FHOD3: variants seen among roughly 807,000 people sequenced by gnomAD.
FHOD3 encodes formin homology 2 domain containing 3.
In FHOD3, 90 loss-of-function variants were observed where a neutral mutation model predicts 173.0. The ratio of observed to expected loss-of-function variants is 0.52; its 90% confidence interval spans 0.44 to 0.62. FHOD3 has a LOEUF of 0.62. Among genes scored for constraint, FHOD3 ranks in the 20% least tolerant of loss-of-function variants. The probability of loss-of-function intolerance (pLI) is 0.00; values close to 1 mark genes in which losing one functional copy is unlikely to be tolerated. For synonymous variants in FHOD3, 828 were observed against 823.0 expected (o/e 1.01, Z -0.10); for missense variants, 1,945 against 2,034.7 (o/e 0.96, Z 0.85).
At chr18:36,745,234 G>A (rs1420794383) in intron 23 of FHOD3, among the ~76,000 whole-genome samples, 1 of 152,128 alleles carries the variant, frequency 6.6e-6, no homozygotes, top group Non-Finnish European at 1.5e-5. Flanking sequence ...ACCGAGCAGG[G>A]GACCCTGAAC....
intron 3 of FHOD3, among the ~76,000 whole-genome samples, chr18:36,466,326 G>A (rs941876296): frequency 1.3e-5 from 2 of 152,180 alleles, no homozygotes; most frequent in African/African-American, 4.8e-5. Context: ...CTATACTGAG[G>A]TTTGCAGCAG....
At chr18:36,483,698 T>TC in intron 3 of FHOD3, among the ~76,000 whole-genome samples, 1 of 152,362 alleles carries the variant, frequency 6.6e-6, no homozygotes, top group Non-Finnish European at 1.5e-5. Flanking sequence ...AGGGTGGATG[T>TC]ATGTGCCTCT....
At chr18:36,678,074 T>C (rs953227166) in intron 14 of FHOD3, among the ~76,000 whole-genome samples, 1 of 152,206 alleles carries the variant, frequency 6.6e-6, no homozygotes, top group African/African-American at 2.4e-5. Context: ...ATTATCTTTA[T>C]AGATGGTCAG....
chr18:36,392,804 T>C (rs2048366261), intron 3 of FHOD3, among the ~76,000 whole-genome samples: 1 of 152,224 alleles, frequency 6.6e-6, no homozygotes, highest in Non-Finnish European at 1.5e-5. Context: ...AATTAGTGTT[T>C]TCTTTTGGAG....
chr18:36,524,238 T>C (rs1311764135), intron 5 of FHOD3, among the ~76,000 whole-genome samples: 1 of 148,270 alleles, frequency 6.7e-6, no homozygotes, highest in East Asian at 2.0e-4. Flanking sequence ...ACCGAGACTG[T>C]GCCACTGCAC....
chr18:36,440,734 C>T (rs934341916), intron 3 of FHOD3, among the ~76,000 whole-genome samples: 1 of 152,236 alleles, frequency 6.6e-6, no homozygotes, highest in Non-Finnish European at 1.5e-5. Flanking sequence ...CTATTAATAT[C>T]TCCCCACATA....
chr18:36,550,034 G>T (rs958758700), intron 5 of FHOD3, among the ~76,000 whole-genome samples: 2 of 151,642 alleles, frequency 1.3e-5, no homozygotes, highest in Non-Finnish European at 2.9e-5. Context: ...GTAAACAACT[G>T]TTCCAGCACC....
chr18:36,543,200 C>A (rs1249352074), intron 5 of FHOD3, among the ~76,000 whole-genome samples: 1 of 152,122 alleles, frequency 6.6e-6, no homozygotes, highest in Non-Finnish European at 1.5e-5. Context: ...TTAGACTTGC[C>A]AGCCTTTATA....
chr18:36,604,182 C>T (rs2031788770), intron 8 of FHOD3, among the ~76,000 whole-genome samples: 1 of 152,056 alleles, frequency 6.6e-6, no homozygotes, highest in Admixed American at 6.5e-5. Flanking sequence ...AGGCACCTCG[C>T]CAGCCACCCC....
rs371041805 is a variant in FHOD3 at position 36,355,530 on chromosome 18, C to T, written c.166-9C>T. The T allele has an allele frequency of 1.2e-6, 2 of 1,613,544 alleles. No individual in the cohort carries two copies. Among genetic ancestry groups the T allele is most frequent in the African/African-American group, 2.7e-5 (2 of 74,908 alleles). On this transcript the variant is annotated splice_polypyrimidine_tract_variant and intron_variant, in intron 1 of 28. Coordinates refer to ENST00000590592, the MANE Select transcript of FHOD3 (RefSeq NM_001281740.3). ...GCAGGTTGGGTATAACAGGCTCTTT[C>T]TCTTGCAGCTGGATGACTGTACTCT...
intron 19 of FHOD3, among the ~76,000 whole-genome samples, chr18:36,725,227 C>T (rs962461452): frequency 6.6e-6 from 1 of 152,144 alleles, no homozygotes; most frequent in African/African-American, 2.4e-5. Context: ...GCTAATTGTT[C>T]TTTTATCGAC....
intron 3 of FHOD3, among the ~76,000 whole-genome samples, chr18:36,431,290 C>T (rs1284722724): frequency 6.6e-6 from 1 of 152,164 alleles, no homozygotes; most frequent in African/African-American, 2.4e-5. Context: ...GTGCCCACAG[C>T]TGTGATGCTC....
intron 9 of FHOD3, among the ~76,000 whole-genome samples, chr18:36,613,650 A>G (rs1484464652): frequency 6.6e-6 from 1 of 152,120 alleles, no homozygotes; most frequent in Non-Finnish European, 1.5e-5. Context: ...TGGGGCCTGT[A>G]TAACCTTCCA....
intron 2 of FHOD3, among the ~76,000 whole-genome samples, chr18:36,362,932 G>A (rs1400642816): frequency 2.6e-5 from 4 of 152,100 alleles, no homozygotes; most frequent in South Asian, 2.1e-4. Flanking sequence ...AATATACAAA[G>A]CACTCTTAAA....
intron 24 of FHOD3, among the ~76,000 whole-genome samples, chr18:36,751,876 C>T (rs2042416842): frequency 6.6e-6 from 1 of 152,118 alleles, no homozygotes; most frequent in African/African-American, 2.4e-5. Flanking sequence ...CAGAGAGGGA[C>T]TGGGGAGAGG....
chr18:36,468,071 T>C (rs1435994050), intron 3 of FHOD3, among the ~76,000 whole-genome samples: 1 of 152,174 alleles, frequency 6.6e-6, no homozygotes, highest in Non-Finnish European at 1.5e-5. Flanking sequence ...TATTGTGGCC[T>C]GAAGTCAGGT....
At chr18:36,598,037 G>C (rs945563878) in intron 7 of FHOD3, among the ~76,000 whole-genome samples, 1 of 152,140 alleles carries the variant, frequency 6.6e-6, no homozygotes, top group East Asian at 1.9e-4. Context: ...TTACTTCCAG[G>C]TGTGTTTCCA....
chr18:36,705,947 CTGTG>C (rs3222016), intron 17 of FHOD3, among the ~76,000 whole-genome samples: 12,525 of 142,598 alleles, frequency 0.088, 601 homozygotes, highest in Non-Finnish European at 0.11. Context: ...TCAGAAGGAA[CTGTG>C]TGTGTGTGTG....
chr18:36,484,199 T>C (rs1398930703), intron 3 of FHOD3, among the ~76,000 whole-genome samples: 1 of 152,250 alleles, frequency 6.6e-6, no homozygotes. Context: ...CTCCTTCATA[T>C]AGGCAACCTG....
Sources: gnomAD v4.1 joint callset for allele counts (sites outside exome capture counted in the v4.1 genomes callset) on GRCh38, gnomAD v4.1.1 for gene constraint, MANE v1.5 for transcripts, NCBI Gene and HGNC (gene_info 2026-07-23, HGNC 2026-07-21) for gene names.